The following KIRREL3 variants were observed in gnomAD, a reference collection of about 807,000 sequenced individuals.
KIRREL3 encodes kin of IRRE-like protein 3.
In KIRREL3, 36 loss-of-function variants were observed where a neutral mutation model predicts 89.7. The ratio of observed to expected loss-of-function variants is 0.40; its 90% CI spans 0.31 to 0.53. The LOEUF is 0.53. Ranked by LOEUF, KIRREL3 falls within the 20% of genes least tolerant of loss-of-function variation. The pLI is 0.49. For missense variants in KIRREL3, 864 were observed against 1,056.6 expected, an observed-to-expected ratio of 0.82 and a Z score of 2.53; for synonymous variants, 445 against 441.4, an observed-to-expected ratio of 1.01 and a Z score of -0.10.
At chr11:126,425,996 G>A (rs545283998) in intron 15 of KIRREL3, among the ~76,000 whole-genome samples, 16 of 152,342 alleles carry the variant, frequency 1.1e-4, no homozygotes, top group African/African-American at 3.6e-4. Context: ...CCTCGCTTGG[G>A]CGAGGGCATC....
At chr11:126,503,322 C>T (rs753204547) in intron 4 of KIRREL3, among the ~76,000 whole-genome samples, 15 of 152,028 alleles carry the variant, frequency 9.9e-5, no homozygotes, top group African/African-American at 2.4e-5. Flanking sequence ...TGTGGGCACT[C>T]GGGTAGGTAC....
Position 126,521,296 on chromosome 11 carries a change from G to A in KIRREL3, c.433+19C>T, listed in dbSNP as rs771565813. ...GTGCTTCACGCAGTGTCCCAGCCCC[G>A]TGTGCAGATGGTTCTTACCCAGGAC... On this transcript the variant is annotated intron_variant, in intron 4 of 16. Coordinates refer to ENST00000525144, the MANE Select transcript of KIRREL3 (RefSeq NM_032531.4). The surrounding 1 kb of genome is among the most constrained non-coding windows in gnomAD (Gnocchi z 4.1). 7.2e-6 allele frequency: 11 copies of A among 1,523,920 alleles called. No individual in the cohort carries two copies. The highest frequency in any genetic ancestry group is 5.0e-5 in the South Asian group (4 of 80,602). 94.4% of individuals were successfully genotyped at this position (1,523,920 alleles called of 1,614,324 possible). A position where few individuals can be genotyped will look rare whatever the true frequency, so the allele number is the denominator to read the frequency against.
At position 126,923,210 on chromosome 11, in the gene KIRREL3, CTTCTTCT is replaced by C. The variant is rs1565423537; in HGVS notation, c.55+77238_55+77244del. 2.1e-3 allele frequency among the ~76,000 whole-genome samples: 34 copies of C among 16,258 alleles called. 7 individuals are homozygous for C. The highest frequency in any genetic ancestry group is 8.3e-3 in the South Asian group (3 of 362). 10.7% of individuals were successfully genotyped at this position (16,258 alleles called of 152,430 possible). A position where few individuals can be genotyped will look rare whatever the true frequency, so the allele number is the denominator to read the frequency against. ...TTCTCTTCTTCTTCTTCTTCTTCTT[CTTCTTCT>C]TCTTCTTCTTCTTCTTCTTCTTCTT... On this transcript the variant is annotated intron_variant, in intron 1 of 16. Transcript: ENST00000525144.
chr11:126,853,502 G>A (rs970723053), intron 1 of KIRREL3, among the ~76,000 whole-genome samples: 5 of 152,062 alleles, frequency 3.3e-5, no homozygotes, highest in Non-Finnish European at 5.9e-5. Context: ...CTTTTCATGA[G>A]TTTAGTTTCT....
chr11:126,635,534 T>C lies in KIRREL3; in HGVS notation c.56-72622A>G, dbSNP rs1381342515. 6.6e-6 allele frequency among the ~76,000 whole-genome samples: 1 copy of C among 152,012 alleles called. No homozygotes were observed. Among genetic ancestry groups the C allele is most frequent in the Non-Finnish European group, 1.5e-5 (1 of 67,994 alleles). ...GTGGCTGATGGCCTGGAGGAGGAGA[T>C]AGGGAGGGAGGAGAAGGCTGGATGC... On this transcript the variant is annotated intron_variant, in intron 1 of 16. Coordinates refer to ENST00000525144, the MANE Select transcript of KIRREL3 (RefSeq NM_032531.4). This position sits in a 1 kb window ranked among gnomAD's most constrained non-coding sequence, Gnocchi z 4.0.
chr11:126,909,833 G>C lies in KIRREL3; in HGVS notation c.55+90622C>G, dbSNP rs1256713508. 6.6e-6 allele frequency among the ~76,000 whole-genome samples: 1 copy of C among 152,098 alleles called. No individual in the cohort carries two copies. Among genetic ancestry groups the C allele is most frequent in the Non-Finnish European group, 1.5e-5 (1 of 68,020 alleles). ...AAAATATGGATTAATCCCTGGGAGG[G>C]TGTTATGCAAGATTCAGATATATGG... On this transcript the variant is annotated intron_variant, in intron 1 of 16. Transcript: ENST00000525144. This position sits in a 1 kb window ranked among gnomAD's most constrained non-coding sequence, Gnocchi z 4.5.
At position 126,768,055 on chromosome 11, in the gene KIRREL3, A is replaced by T. The variant is rs1046623970; in HGVS notation, c.56-205143T>A. On this transcript the variant is annotated intron_variant, in intron 1 of 16. Coordinates refer to ENST00000525144, the MANE Select transcript of KIRREL3 (RefSeq NM_032531.4). The surrounding 1 kb of genome is among the most constrained non-coding windows in gnomAD (Gnocchi z 4.5). ...AATGTCTCTCCATCCTCAAAATTTTATGATTCCTCTTATCAGCCATTTCTG... is the reference window on the plus strand; with the variant it reads ...AATGTCTCTCCATCCTCAAAATTTTTTGATTCCTCTTATCAGCCATTTCTG... Among the ~76,000 whole-genome samples the T allele has an allele frequency of 6.6e-6, 1 of 152,212 alleles. No individual in the cohort carries two copies. Among genetic ancestry groups the T allele is most frequent in the Non-Finnish European group, 1.5e-5 (1 of 68,034 alleles).
At position 126,712,850 on chromosome 11, in the gene KIRREL3, C is replaced by A. The variant is rs1022153215; in HGVS notation, c.56-149938G>T. On this transcript the variant is annotated intron_variant, in intron 1 of 16. Coordinates refer to ENST00000525144, the MANE Select transcript of KIRREL3 (RefSeq NM_032531.4). The stretch of plus-strand genomic sequence containing the variant: ...AGGCCATTCAGATCCCCGCACCAGT[C>A]ACTGAAAAGAAACCAGTTTAGGTGT... Among the ~76,000 whole-genome samples, 14 of 152,342 alleles carry A rather than the reference C, an allele frequency of 9.2e-5. No individual in the cohort carries two copies. The East Asian group carries it at 2.7e-3, about 29-fold the overall frequency.
At chr11:126,478,570 T>C (rs908791163) in intron 4 of KIRREL3, among the ~76,000 whole-genome samples, 6 of 151,974 alleles carry the variant, frequency 3.9e-5, no homozygotes, top group Admixed American at 1.3e-4. Flanking sequence ...TATGTGTATA[T>C]ATGTGTGTAC....
In KIRREL3 at chr11:127,000,558, G is replaced by C; in HGVS notation, c.-49C>G. 6.4e-7 allele frequency: 1 copy of C among 1,569,418 alleles called. No homozygotes were observed. Among genetic ancestry groups the C allele is most frequent in the Non-Finnish European group, 8.6e-7 (1 of 1,156,766 alleles). On this transcript the variant is annotated 5_prime_UTR_variant, in exon 1 of 17. Transcript: ENST00000525144. The surrounding 1 kb of genome is among the most constrained non-coding windows in gnomAD (Gnocchi z 7.1). ...CGGCGGGGTAACTTGGCTGTGGTTA[G>C]TTTCTCTTCCTTGGCGGCTCTCGGT...
intron 1 of KIRREL3, among the ~76,000 whole-genome samples, chr11:126,770,808 G>C (rs1227721804): frequency 2.6e-5 from 4 of 152,164 alleles, no homozygotes; most frequent in African/African-American, 9.7e-5. Flanking sequence ...ATTGAAGATG[G>C]AAGGGGCAGA....
At chr11:126,472,981 C>T (rs1353091070) in intron 5 of KIRREL3, among the ~76,000 whole-genome samples, 37 of 101,498 alleles carry the variant, frequency 3.6e-4, no homozygotes, top group African/African-American at 1.3e-3. Flanking sequence ...CACCATCCTC[C>T]TCTCTACCTA....
intron 1 of KIRREL3, among the ~76,000 whole-genome samples, chr11:126,960,291 C>T (rs1173983362): frequency 6.6e-6 from 1 of 152,172 alleles, no homozygotes. Context: ...AGTTTAATAT[C>T]CTAACTACCT....
chr11:126,435,161 C>T (rs963782300), intron 13 of KIRREL3, 107 bp downstream of exon 13: 9 of 1,170,292 alleles, frequency 7.7e-6, no homozygotes, highest in Non-Finnish European at 1.1e-5. Flanking sequence ...GGCGGAGACA[C>T]TAGCGGCCAG....
rs1178797868 is a variant in KIRREL3, at chr11:126,687,279, T to C, written c.56-124367A>G. On this transcript the variant is annotated intron_variant, in intron 1 of 16. Transcript: ENST00000525144. This position sits in a 1 kb window ranked among gnomAD's most constrained non-coding sequence, Gnocchi z 4.6. ...TAAGCAAATTCAGAGTCACCCTAAC[T>C]TGGGTCATTTGCATCACAAAATTGC... Among the ~76,000 whole-genome samples, 1 of 152,186 alleles carries C rather than the reference T, an allele frequency of 6.6e-6. No homozygotes were observed. The highest frequency in any genetic ancestry group is 2.4e-5 in the African/African-American group (1 of 41,438).
chr11:126,749,068 T>A (rs1949249342), intron 1 of KIRREL3, among the ~76,000 whole-genome samples: 1 of 151,962 alleles, frequency 6.6e-6, no homozygotes, highest in South Asian at 2.1e-4. Context: ...CCCTGGAGAG[T>A]CTGGGCCTCT....
At chr11:126,436,327 TTGTG>T (rs1310505001) in intron 12 of KIRREL3, among the ~76,000 whole-genome samples, 1 of 152,232 alleles carries the variant, frequency 6.6e-6, no homozygotes, top group African/African-American at 2.4e-5. Context: ...TCTGTGGGAC[TTGTG>T]TCTGAGTAAC....
At position 126,862,192 on chromosome 11, in the gene KIRREL3, A is replaced by G. The variant is rs149442591; in HGVS notation, c.55+138263T>C. Among the ~76,000 whole-genome samples, 11 of 152,300 alleles carry G rather than the reference A, an allele frequency of 7.2e-5. No homozygotes were observed. In the East Asian group the frequency reaches 2.1e-3, roughly 29 times the overall value. Reference sequence around the variant, plus strand: ...TACTACACATGTTGTTTTGCTCCTGATGATAAAGGAGATGCTAGGGTAATA... The same window carrying G: ...TACTACACATGTTGTTTTGCTCCTGGTGATAAAGGAGATGCTAGGGTAATA... On this transcript the variant is annotated intron_variant, in intron 1 of 16. Coordinates refer to ENST00000525144, the MANE Select transcript of KIRREL3 (RefSeq NM_032531.4).
At chr11:126,456,316 G>A in intron 7 of KIRREL3, 33 bp downstream of exon 7, 1 of 1,449,724 alleles carries the variant, frequency 6.9e-7, no homozygotes, top group Non-Finnish European at 9.5e-7. Flanking sequence ...GGGGCCAGTG[G>A]CCAGGCCGGG....
Sources: gnomAD v4.1 joint callset for allele counts (sites outside exome capture counted in the v4.1 genomes callset) on GRCh38, gnomAD v4.1.1 for gene constraint, Gnocchi (gnomAD v3.1) non-coding constraint, MANE v1.5 for transcripts, NCBI Gene and HGNC (gene_info 2026-07-23, HGNC 2026-07-21) for gene names.